ADGRV1: variants seen among roughly 807,000 people sequenced by gnomAD.
The protein encoded by ADGRV1 is adhesion G protein-coupled receptor V1.
In ADGRV1, 359 loss-of-function variants were observed where a neutral mutation model predicts 596.2. The ratio of observed to expected loss-of-function variants is 0.60; its 90% confidence interval spans 0.55 to 0.66. ADGRV1 has a LOEUF of 0.66. Among genes scored for constraint, ADGRV1 ranks in the 30% least tolerant of loss-of-function variants. The pLI is 0.00. For synonymous variants in ADGRV1, 2,681 were observed against 2,679.2 expected (o/e 1.00, Z -0.02); for missense variants, 7,274 against 7,575.6 (o/e 0.96, Z 1.48).
chr5:91,012,489 C>T (rs1038647173), intron 85 of ADGRV1, among the ~76,000 whole-genome samples: 1 of 151,820 alleles, frequency 6.6e-6, no homozygotes, highest in African/African-American at 2.4e-5. Flanking sequence ...GGTTCTTTCC[C>T]CTATGAATAG....
chr5:91,030,953 T>G (rs1459507634), intron 85 of ADGRV1: 1 of 1,084,758 alleles, frequency 9.2e-7, no homozygotes, highest in Non-Finnish European at 1.3e-6. Flanking sequence ...ACTGGCAGTT[T>G]TGTAATCAAA....
chr5:90,815,749 A>T lies in ADGRV1; in HGVS notation c.16196+13A>T. 1 of 1,292,812 alleles carries T rather than the reference A, an allele frequency of 7.7e-7. No homozygotes were observed. The highest frequency in any genetic ancestry group is 1.1e-6 in the Non-Finnish European group (1 of 909,250). 80.1% of individuals were successfully genotyped at this position (1,292,812 alleles called of 1,614,324 possible). A position where few individuals can be genotyped will look rare whatever the true frequency, so the allele number is the denominator to read the frequency against. On this transcript the variant is annotated intron_variant, in intron 75 of 89. Coordinates refer to ENST00000405460, the MANE Select transcript of ADGRV1 (RefSeq NM_032119.4). Reference sequence around the variant, plus strand: ...GACAGCCAAACAGGTATGTGTATATATAGTATATGGAAGACGTAACATTCT... The same window carrying T: ...GACAGCCAAACAGGTATGTGTATATTTAGTATATGGAAGACGTAACATTCT...
intron 57 of ADGRV1, among the ~76,000 whole-genome samples, chr5:90,758,902 C>T (rs576619043): frequency 5.3e-5 from 8 of 152,054 alleles, no homozygotes; most frequent in Non-Finnish European, 1.2e-4. Context: ...GACTACGTTG[C>T]AAGAACAATA....
intron 5 of ADGRV1, among the ~76,000 whole-genome samples, chr5:90,623,881 C>T (rs902553742): frequency 7.9e-5 from 12 of 152,148 alleles, no homozygotes; most frequent in African/African-American, 2.4e-4. Context: ...GCTTACTGAC[C>T]ATGTGCCAAT....
At chr5:90,773,933 A>G (rs762040333) in intron 59 of ADGRV1, among the ~76,000 whole-genome samples, 9 of 152,134 alleles carry the variant, frequency 5.9e-5, no homozygotes, top group Admixed American at 1.3e-4. Context: ...TTGGATTTTC[A>G]ACGGTTAACA....
chr5:90,780,587 A>G (rs2150088756), intron 64 of ADGRV1, among the ~76,000 whole-genome samples: 1 of 152,342 alleles, frequency 6.6e-6, no homozygotes, highest in East Asian at 1.9e-4. Context: ...CAGAAGTATC[A>G]TTACAGAAGT....
At chr5:90,875,222 T>C (rs928310787) in intron 83 of ADGRV1, among the ~76,000 whole-genome samples, 1 of 152,214 alleles carries the variant, frequency 6.6e-6, no homozygotes, top group African/African-American at 2.4e-5. Flanking sequence ...AAGAAATTAT[T>C]CATATTCTTA....
intron 34 of ADGRV1, among the ~76,000 whole-genome samples, chr5:90,699,994 T>TG (rs1224077413): frequency 6.6e-6 from 1 of 152,214 alleles, no homozygotes; most frequent in African/African-American, 2.4e-5. Context: ...ACATAAAAGT[T>TG]GGAGTCAATT....
intron 43 of ADGRV1, 176 bp downstream of exon 43, chr5:90,716,905 A>G (rs1394229118): frequency 2.0e-6 from 1 of 487,940 alleles, no homozygotes; most frequent in African/African-American, 1.9e-5. Context: ...TTTACTCTGT[A>G]TAAAGCGCAA....
chr5:90,687,515 T>A (rs1048606735), intron 29 of ADGRV1, among the ~76,000 whole-genome samples: 2 of 152,134 alleles, frequency 1.3e-5, no homozygotes, highest in Non-Finnish European at 2.9e-5. Flanking sequence ...CTCTCACCAC[T>A]CGTATTCAAC....
At chr5:90,855,638 G>A in intron 81 of ADGRV1, 103 bp from the exon 82 acceptor site, 3 of 760,774 alleles carry the variant, frequency 3.9e-6, no homozygotes, top group Non-Finnish European at 6.4e-6. Flanking sequence ...TAAGTCTTGA[G>A]CAAAGAACAC....
chr5:90,677,880 A>G (rs1343036058), intron 25 of ADGRV1, among the ~76,000 whole-genome samples: 1 of 152,186 alleles, frequency 6.6e-6, no homozygotes, highest in Admixed American at 6.5e-5. Flanking sequence ...ACTGTCTAAC[A>G]TGTCAAGTAG....
intron 83 of ADGRV1, among the ~76,000 whole-genome samples, chr5:90,877,979 G>C (rs1769378884): frequency 6.6e-6 from 1 of 152,086 alleles, no homozygotes; most frequent in Non-Finnish European, 1.5e-5. Context: ...TTGTGAATTT[G>C]CTATTGAATT....
At chr5:91,131,227 T>A (rs1425338991) in intron 87 of ADGRV1, among the ~76,000 whole-genome samples, 2 of 152,238 alleles carry the variant, frequency 1.3e-5, no homozygotes, top group Non-Finnish European at 2.9e-5. Context: ...CTAATTTGCA[T>A]TCTCGCCAAC....
intron 34 of ADGRV1, among the ~76,000 whole-genome samples, chr5:90,699,793 A>G (rs1268522694): frequency 6.6e-6 from 1 of 152,158 alleles, no homozygotes; most frequent in Non-Finnish European, 1.5e-5. Context: ...ACTTCACCTG[A>G]AAACAATATT....
intron 75 of ADGRV1, among the ~76,000 whole-genome samples, chr5:90,818,399 C>G (rs1386214361): frequency 1.3e-5 from 2 of 149,606 alleles, no homozygotes; most frequent in Non-Finnish European, 3.0e-5. Context: ...AATTGAATAC[C>G]CTTTATTTCC....
intron 27 of ADGRV1, among the ~76,000 whole-genome samples, chr5:90,683,138 T>G (rs1293241352): frequency 6.6e-6 from 1 of 152,246 alleles, no homozygotes; most frequent in African/African-American, 2.4e-5. Context: ...TAGTTATAAT[T>G]TAAATAGAAG....
chr5:90,874,390 T>C (rs73771106), intron 83 of ADGRV1, among the ~76,000 whole-genome samples: 2,861 of 152,294 alleles, frequency 0.019, 88 homozygotes, highest in African/African-American at 0.065. Context: ...ATCACTGTTA[T>C]GTTTATTCAT....
chr5:91,079,684 G>A (rs1469665920), intron 86 of ADGRV1, among the ~76,000 whole-genome samples: 2 of 152,170 alleles, frequency 1.3e-5, no homozygotes, highest in Admixed American at 1.3e-4. Context: ...ACCACTTGTG[G>A]CAGACCGGGC....
Sources: gnomAD v4.1 joint callset for allele counts (sites outside exome capture counted in the v4.1 genomes callset) on GRCh38, gnomAD v4.1.1 for gene constraint, MANE v1.5 for transcripts, NCBI Gene and HGNC (gene_info 2026-07-23, HGNC 2026-07-21) for gene names.